The following NCOA7 variants were observed in gnomAD, a reference collection of about 807,000 sequenced individuals.
NCOA7 encodes the protein nuclear receptor coactivator 7.
NCOA7 carries 45 observed loss-of-function variants against 104.3 expected under a neutral mutation model. The ratio of observed to expected loss-of-function variants is 0.43; its 90% confidence interval spans 0.34 to 0.55. NCOA7 has a LOEUF of 0.55. Ranked by LOEUF, NCOA7 falls within the 20% of genes least tolerant of loss-of-function variation. NCOA7 has a pLI of 0.02. For synonymous variants in NCOA7, 398 were observed against 402.3 expected, an observed-to-expected ratio of 0.99 and a Z score of 0.13; for missense variants, 1,041 against 1,119.7, an observed-to-expected ratio of 0.93 and a Z score of 1.00.
At chr6:125,809,911 C>G (rs1776814830) in intron 1 of NCOA7, among the ~76,000 whole-genome samples, 1 of 152,300 alleles carries the variant, frequency 6.6e-6, no homozygotes, top group African/African-American at 2.4e-5. Context: ...ATCCAAAAAG[C>G]CATGCTTTGC....
intron 1 of NCOA7, among the ~76,000 whole-genome samples, chr6:125,783,259 C>T (rs1463724106): frequency 6.6e-6 from 1 of 152,208 alleles, no homozygotes; most frequent in African/African-American, 2.4e-5. Flanking sequence ...CATCATAAAG[C>T]TACCTTTTAT....
chr6:125,848,390 G>C (rs555477526), intron 2 of NCOA7, among the ~76,000 whole-genome samples: 1 of 152,164 alleles, frequency 6.6e-6, no homozygotes, highest in African/African-American at 2.4e-5. Context: ...ACAAAGACTT[G>C]GAACCAACCC....
chr6:125,822,759 A>C (rs1383822416), intron 2 of NCOA7, among the ~76,000 whole-genome samples: 1 of 152,000 alleles, frequency 6.6e-6, no homozygotes, highest in Non-Finnish European at 1.5e-5. Flanking sequence ...ACATAGTGAA[A>C]CCCCGTCTCT....
intron 2 of NCOA7, among the ~76,000 whole-genome samples, chr6:125,816,064 CAT>C (rs1228278764): frequency 6.6e-6 from 1 of 152,146 alleles, no homozygotes; most frequent in Non-Finnish European, 1.5e-5. Context: ...ACTCAGAGAA[CAT>C]AGGCTTAAAA....
intron 3 of NCOA7, among the ~76,000 whole-genome samples, chr6:125,872,424 A>G (rs896738725): frequency 3.3e-5 from 5 of 152,230 alleles, no homozygotes; most frequent in Non-Finnish European, 5.9e-5. Context: ...TAGAAATAGG[A>G]AGCTACCTAC....
intron 2 of NCOA7, among the ~76,000 whole-genome samples, chr6:125,845,564 A>G (rs531802692): frequency 1.7e-3 from 261 of 152,310 alleles, no homozygotes; most frequent in African/African-American, 5.9e-3. Flanking sequence ...TCACGAGCTC[A>G]GGAAGTAGAG....
At chr6:125,906,211 G>C (rs998625113) in intron 10 of NCOA7, among the ~76,000 whole-genome samples, 11 of 152,112 alleles carry the variant, frequency 7.2e-5, no homozygotes, top group Non-Finnish European at 1.3e-4. Flanking sequence ...GGTTAAAACA[G>C]GTCAAAGAGC....
intron 2 of NCOA7, among the ~76,000 whole-genome samples, chr6:125,821,360 A>C (rs1183085240): frequency 6.6e-6 from 1 of 152,142 alleles, no homozygotes; most frequent in Non-Finnish European, 1.5e-5. Context: ...GCGTGTCAGG[A>C]TTTGAACTCA....
intron 2 of NCOA7, among the ~76,000 whole-genome samples, chr6:125,816,730 A>G (rs564448563): frequency 2.3e-4 from 35 of 152,344 alleles, no homozygotes; most frequent in South Asian, 1.7e-3. Context: ...TTCTTTATCC[A>G]TAGTACAGTA....
At chr6:125,801,518 C>T in intron 1 of NCOA7, among the ~76,000 whole-genome samples, 1 of 152,128 alleles carries the variant, frequency 6.6e-6, no homozygotes, top group Admixed American at 6.5e-5. Context: ...TTAGGGGAGC[C>T]ATGACAAAGT....
chr6:125,881,414 A>G (rs992811703), intron 6 of NCOA7, among the ~76,000 whole-genome samples: 3 of 152,164 alleles, frequency 2.0e-5, no homozygotes, highest in African/African-American at 7.2e-5. Context: ...CTCAGCCTGT[A>G]GTCCCAGCAC....
In NCOA7 at chr6:125,906,201, G is replaced by C. The variant is rs904162465; in HGVS notation, c.2097-9132G>C. 2.6e-5 allele frequency among the ~76,000 whole-genome samples: 4 copies of C among 152,178 alleles called. No individual in the cohort carries two copies. In the South Asian group the frequency reaches 8.3e-4, roughly 32 times the overall value. On this transcript the variant is annotated intron_variant, in intron 10 of 15. Coordinates refer to ENST00000392477, the MANE Select transcript of NCOA7 (RefSeq NM_181782.5). ...GGACCCTTAAAAGTACAGAGAGGAGGGTTAAAACAGGTCAAAGAGCAGTTA... is the reference window on the plus strand; with the variant it reads ...GGACCCTTAAAAGTACAGAGAGGAGCGTTAAAACAGGTCAAAGAGCAGTTA...
At chr6:125,825,173 A>AC (rs1778559667) in intron 2 of NCOA7, among the ~76,000 whole-genome samples, 2 of 141,372 alleles carry the variant, frequency 1.4e-5, no homozygotes, top group Non-Finnish European at 3.1e-5. Context: ...CCCTGTCTCT[A>AC]CAAAAAAAAA....
intron 1 of NCOA7, among the ~76,000 whole-genome samples, chr6:125,781,957 T>C (rs1010703794): frequency 2.0e-5 from 3 of 152,224 alleles, no homozygotes; most frequent in Non-Finnish European, 4.4e-5. Context: ...TACCTTTGCC[T>C]TCCAATTTAG....
At chr6:125,844,658 A>C (rs1180367966) in intron 2 of NCOA7, among the ~76,000 whole-genome samples, 1 of 152,246 alleles carries the variant, frequency 6.6e-6, no homozygotes, top group East Asian at 1.9e-4. Flanking sequence ...GTTCTTCTAG[A>C]AATAATAAGT....
intron 2 of NCOA7, among the ~76,000 whole-genome samples, chr6:125,843,160 G>A (rs879628529): frequency 6.6e-6 from 1 of 152,276 alleles, no homozygotes; most frequent in Middle Eastern, 3.4e-3. Context: ...AACTTGGATT[G>A]TCTGAATGGG....
chr6:125,793,253 T>G (rs1775013724), intron 1 of NCOA7, among the ~76,000 whole-genome samples: 1 of 152,242 alleles, frequency 6.6e-6, no homozygotes, highest in Non-Finnish European at 1.5e-5. Flanking sequence ...ACCCAGGGTA[T>G]TGAGCAATTA....
At chr6:125,880,540 T>G (rs1783739854) in intron 5 of NCOA7, among the ~76,000 whole-genome samples, 1 of 151,866 alleles carries the variant, frequency 6.6e-6, no homozygotes, top group Admixed American at 6.6e-5. Flanking sequence ...TTTTATTTTA[T>G]TTTTTGAGGT....
chr6:125,788,428 T>C (rs1402142206), upstream of NCOA7, among the ~76,000 whole-genome samples: 1 of 152,162 alleles, frequency 6.6e-6, no homozygotes, highest in Non-Finnish European at 1.5e-5. Flanking sequence ...CTTTATTATA[T>C]CAGGACTTTC....
Sources: allele counts gnomAD v4.1 joint callset (sites outside exome capture counted in the v4.1 genomes callset), GRCh38; gene constraint gnomAD v4.1.1; transcripts MANE v1.5; gene names NCBI Gene and HGNC (gene_info 2026-07-23, HGNC 2026-07-21).